NELL1: variants seen among roughly 807,000 people sequenced by gnomAD.
NELL1 encodes the protein protein kinase C-binding protein NELL1.
NELL1 carries 76 observed loss-of-function variants against 107.4 expected under a neutral mutation model. The observed-to-expected ratio is 0.71, with a 90% confidence interval of 0.59 to 0.86. NELL1 has a LOEUF of 0.86. NELL1 is among the 40% of genes least tolerant of loss of function. NELL1 has a pLI of 0.00. For synonymous variants in NELL1, 353 were observed against 341.2 expected, an observed-to-expected ratio of 1.03 and a Z score of -0.38; for missense variants, 1,024 against 1,005.5, an observed-to-expected ratio of 1.02 and a Z score of -0.25.
At chr11:21,076,875 G>A (rs1854148735) in intron 12 of NELL1, among the ~76,000 whole-genome samples, 1 of 151,974 alleles carries the variant, frequency 6.6e-6, no homozygotes, top group African/African-American at 2.4e-5. Context: ...TGTACACGCT[G>A]AATCCCCTTC....
At chr11:21,007,972 T>C (rs1165407252) in intron 12 of NELL1, among the ~76,000 whole-genome samples, 8 of 152,130 alleles carry the variant, frequency 5.3e-5, no homozygotes, top group Non-Finnish European at 1.2e-4. Flanking sequence ...CCTAGAGACA[T>C]ATCAAGGAAT....
At chr11:21,117,681 A>G (rs1482601783) in intron 13 of NELL1, among the ~76,000 whole-genome samples, 8 of 151,946 alleles carry the variant, frequency 5.3e-5, no homozygotes, top group Admixed American at 2.6e-4. Flanking sequence ...TGCTTATGCT[A>G]TTTGTCTATC....
intron 3 of NELL1, among the ~76,000 whole-genome samples, chr11:20,806,765 T>C (rs1857393540): frequency 1.3e-5 from 2 of 152,192 alleles, no homozygotes; most frequent in South Asian, 2.1e-4. Flanking sequence ...TCTGGCTCTG[T>C]CTTTTCAAAT....
At position 20,684,853 on chromosome 11, in the gene NELL1, C is replaced by T. The variant is rs77653532; in HGVS notation, c.184+6793C>T. On this transcript the variant is annotated intron_variant, in intron 2 of 19. Transcript: ENST00000357134. Reference sequence around the variant, plus strand: ...AGGCAAGATCCTTCAGCGTACTCTACCCAGTGACTGATAAGTCATGGGATT... The same window carrying T: ...AGGCAAGATCCTTCAGCGTACTCTATCCAGTGACTGATAAGTCATGGGATT... 7.9e-3 allele frequency among the ~76,000 whole-genome samples: 1,203 copies of T among 152,156 alleles called. 12 individuals are homozygous for T. The highest frequency in any genetic ancestry group is 0.028 in the African/African-American group (1,147 of 41,528).
chr11:20,966,631 A>G (rs925473470), intron 12 of NELL1, among the ~76,000 whole-genome samples: 1 of 151,964 alleles, frequency 6.6e-6, no homozygotes, highest in African/African-American at 2.4e-5. Context: ...TCCCCTTTCC[A>G]AGGCACAGAG....
chr11:21,366,544 A>G (rs767724038), intron 14 of NELL1, among the ~76,000 whole-genome samples: 3 of 152,124 alleles, frequency 2.0e-5, no homozygotes, highest in Non-Finnish European at 4.4e-5. Flanking sequence ...TGGAAATGCA[A>G]CAATTGTCGC....
chr11:21,558,887 A>T (rs1047029175), intron 16 of NELL1, among the ~76,000 whole-genome samples: 2 of 152,096 alleles, frequency 1.3e-5, no homozygotes, highest in Admixed American at 6.6e-5. Context: ...GCTATATGAA[A>T]GGAGCACCAT....
intron 14 of NELL1, among the ~76,000 whole-genome samples, chr11:21,295,556 A>T (rs1283650891): frequency 6.6e-6 from 1 of 152,066 alleles, no homozygotes; most frequent in Non-Finnish European, 1.5e-5. Flanking sequence ...TAAGAAGAGG[A>T]TTTGTAAGAA....
At chr11:21,105,875 CTCTCT>C (rs1304515091) in intron 12 of NELL1, among the ~76,000 whole-genome samples, 2 of 26,452 alleles carry the variant, frequency 7.6e-5, no homozygotes, top group Non-Finnish European at 1.4e-4. Flanking sequence ...CCTCCCCTTC[CTCTCT>C]CCTCTCCTCT....
chr11:20,806,991 G>A (rs1013416807), intron 3 of NELL1, among the ~76,000 whole-genome samples: 21 of 150,536 alleles, frequency 1.4e-4, no homozygotes, highest in African/African-American at 4.6e-4. Context: ...CAACTATTTC[G>A]AATTCTGTCT....
At chr11:20,755,557 T>TA in intron 2 of NELL1, among the ~76,000 whole-genome samples, 2 of 14,158 alleles carry the variant, frequency 1.4e-4, no homozygotes, top group Non-Finnish European at 2.5e-4. Context: ...TTTGTTTTTG[T>TA]TTTTGTTTTT....
rs1430291698 is a variant in NELL1, at chr11:21,326,068, TTTTTTTTTTTTTTG to T, written c.1550-44784_1550-44771del. 3.4e-4 allele frequency among the ~76,000 whole-genome samples: 34 copies of T among 99,466 alleles called. 1 individual carries two copies. The highest frequency in any genetic ancestry group is 2.4e-3 in the East Asian group (9 of 3,682). 65.3% of individuals were successfully genotyped at this position (99,466 alleles called of 152,430 possible). On this transcript the variant is annotated intron_variant, in intron 14 of 19. Transcript: ENST00000357134. ...ATCCTAGTTTTTTTTTTTTTTTTTT[TTTTTTTTTTTTTTG>T]GGCTATTTTGAGTAAAGCTTAAATG... is the stretch of plus-strand genomic sequence containing the variant.
intron 13 of NELL1, among the ~76,000 whole-genome samples, chr11:21,117,045 C>G (rs773873810): frequency 2.6e-5 from 4 of 151,820 alleles, no homozygotes; most frequent in Admixed American, 6.6e-5. Context: ...CCATGCTGAC[C>G]TTTGTCTTTT....
At chr11:21,370,235 C>G (rs1851327010) in intron 14 of NELL1, among the ~76,000 whole-genome samples, 1 of 151,922 alleles carries the variant, frequency 6.6e-6, no homozygotes, top group South Asian at 2.1e-4. Context: ...ACCCTTGGGA[C>G]CAGCATTTCC....
At position 20,783,839 on chromosome 11, in the gene NELL1, GCT is replaced by G; in HGVS notation, c.335+12_335+13del. 2 of 1,601,098 alleles carry G rather than the reference GCT, an allele frequency of 1.2e-6. No homozygotes were observed. Among genetic ancestry groups the G allele is most frequent in the Non-Finnish European group, 1.7e-6 (2 of 1,173,996 alleles). On this transcript the variant is annotated intron_variant, in intron 3 of 19. Transcript: ENST00000357134. ...CGAGAACTGGAGCACAGGTAAGAAA[GCT>G]CTTTCTGCTTTTGAAAATCTCCTTA...
intron 15 of NELL1, among the ~76,000 whole-genome samples, chr11:21,451,570 G>T (rs1853587120): frequency 6.6e-6 from 1 of 152,066 alleles, no homozygotes; most frequent in Non-Finnish European, 1.5e-5. Flanking sequence ...TTTATGTTCA[G>T]TCCCAGAAAG....
At chr11:21,021,412 T>C (rs1421488644) in intron 12 of NELL1, among the ~76,000 whole-genome samples, 1 of 152,136 alleles carries the variant, frequency 6.6e-6, no homozygotes, top group Non-Finnish European at 1.5e-5. Context: ...AATTGCTCAT[T>C]CTCTTTCAAG....
At chr11:21,371,569 C>T (rs1009384652) in intron 15 of NELL1, among the ~76,000 whole-genome samples, 27 of 152,040 alleles carry the variant, frequency 1.8e-4, no homozygotes, top group African/African-American at 6.5e-4. Context: ...TGGAGAAGCC[C>T]TCCTATTTGT....
At chr11:20,692,254 T>G (rs1854487588) in intron 2 of NELL1, among the ~76,000 whole-genome samples, 1 of 146,660 alleles carries the variant, frequency 6.8e-6, no homozygotes. Flanking sequence ...TTCATTAATT[T>G]TTTGAAGGGT....
Sources: allele counts gnomAD v4.1 joint callset (sites outside exome capture counted in the v4.1 genomes callset), GRCh38; gene constraint gnomAD v4.1.1; transcripts MANE v1.5; gene names NCBI Gene and HGNC (gene_info 2026-07-23, HGNC 2026-07-21).